The following FGF17 variants were observed in gnomAD, a reference collection of about 807,000 sequenced individuals.
FGF17 encodes fibroblast growth factor 17.
In FGF17, 5 loss-of-function variants were observed where a neutral mutation model predicts 23.5. The ratio of observed to expected loss-of-function variants is 0.21; its 90% confidence interval spans 0.11 to 0.45. FGF17 has a LOEUF of 0.45. FGF17 is among the 20% of genes least tolerant of loss of function. FGF17 has a pLI of 0.99. For synonymous variants in FGF17, 136 were observed against 123.0 expected (o/e 1.11, Z -0.70); for missense variants, 221 against 306.9 (o/e 0.72, Z 2.09).
Position 22,048,516 on chromosome 8 carries a change from C to T in FGF17, c.*267C>T. The T allele has an allele frequency of 2.0e-6, 1 of 493,840 alleles. No homozygotes were observed. Among genetic ancestry groups the T allele is most frequent in the South Asian group, 3.1e-5 (1 of 32,084 alleles). 30.6% of individuals were successfully genotyped at this position (493,840 alleles called of 1,614,324 possible). On this transcript the variant is annotated 3_prime_UTR_variant, in exon 5 of 5. Transcript: ENST00000359441. This position sits in a 1 kb window ranked among gnomAD's most constrained non-coding sequence, Gnocchi z 6.9. ...TCAGGCCACCAGCCTCTGCCGGCCT[C>T]CCAGCCGGGCTCCTGAAGCCCGCTG...
chr8:22,042,833 A>C lies in FGF17; in HGVS notation c.-96A>C. ...CCCTGAAAACCTGTGGCTCGGAGAG[A>C]CCTTGGCTTCTCTGGGACTCTACCC... is the stretch of plus-strand genomic sequence containing the variant. On this transcript the variant is annotated 5_prime_UTR_variant, in exon 1 of 5. Transcript: ENST00000359441. 1 of 1,315,466 alleles carries C rather than the reference A, an allele frequency of 7.6e-7. No individual in the cohort carries two copies. The highest frequency in any genetic ancestry group is 1.1e-6 in the Non-Finnish European group (1 of 928,988). The allele number at this position is 1,315,466 out of a possible 1,614,324, so 81.5% of individuals were successfully genotyped here. A position where few individuals can be genotyped will look rare whatever the true frequency, so the allele number is the denominator to read the frequency against.
At chr8:22,043,303 G>C in intron 2 of FGF17, 122 bp downstream of exon 2, 1 of 975,252 alleles carries the variant, frequency 1.0e-6, no homozygotes, top group Non-Finnish European at 1.6e-6. Flanking sequence ...CTGGGTCCAG[G>C]AGGCACTGAG....
chr8:22,044,471 A>AG (rs1800813971), intron 2 of FGF17: 3 of 87,294 alleles, frequency 3.4e-5, no homozygotes, highest in Non-Finnish European at 7.3e-5. Context: ...AAAAGCTTGA[A>AG]GGGGGACGAG....
chr8:22,045,476 G>C, intron 2 of FGF17: 1 of 990,312 alleles, frequency 1.0e-6, no homozygotes, highest in Non-Finnish European at 1.2e-6. Flanking sequence ...GAGCACCAGG[G>C]GGCAAGGCCG....
chr8:22,044,017 G>A (rs904694297), intron 2 of FGF17, among the ~76,000 whole-genome samples: 15 of 151,830 alleles, frequency 9.9e-5, no homozygotes, highest in African/African-American at 3.6e-4. Context: ...GTGGGAGAGG[G>A]AGAGACAATT....
At chr8:22,043,207 C>A (rs772732594) in intron 2 of FGF17, 26 bp downstream of exon 2, 52 of 1,611,424 alleles carry the variant, frequency 3.2e-5, no homozygotes, top group Non-Finnish European at 4.2e-5. Flanking sequence ...CACCGGCTTT[C>A]CCCCAATTTT....
chr8:22,046,579 G>T lies in FGF17; in HGVS notation c.303G>T (p.Gly101=), dbSNP rs990347940. 6 of 1,613,854 alleles carry T rather than the reference G, an allele frequency of 3.7e-6. No homozygotes were observed. In the African/African-American group the frequency reaches 8.0e-5, roughly 22 times the overall value. Residue 101 remains glycine (G), a synonymous_variant, in exon 4 of 5, where the codon GGG becomes GGT. Transcript: ENST00000359441. Reference sequence around the variant, plus strand: ...TTGGCAGCCGGGTTCGCATCAAAGGGGCTGAGAGTGAGAAGTACATCTGTA... The same window carrying T: ...TTGGCAGCCGGGTTCGCATCAAAGGTGCTGAGAGTGAGAAGTACATCTGTA... ...DTFGSRVRIK[G]AESEKYICMN... is the part of the protein sequence containing the mutation.
At position 22,046,507 on chromosome 8, in the gene FGF17, T is replaced by C; in HGVS notation, c.251-20T>C. On this transcript the variant is annotated intron_variant, in intron 3 of 4. Coordinates refer to ENST00000359441, the MANE Select transcript of FGF17 (RefSeq NM_003867.4). ...GGCAGCCCCGATGGACGGAGGTCTT[T>C]CTCCCCTCCCCCACCACAGCCAAGC... 6.3e-7 allele frequency: 1 copy of C among 1,594,466 alleles called. No homozygotes were observed. Among genetic ancestry groups the C allele is most frequent in the East Asian group, 2.2e-5 (1 of 44,758 alleles).
chr8:22,046,258 A>G lies in FGF17; in HGVS notation c.217A>G (p.Ile73Val). 2 of 1,613,752 alleles carry G rather than the reference A, an allele frequency of 1.2e-6. No individual in the cohort carries two copies. The highest frequency in any genetic ancestry group is 1.7e-6 in the Non-Finnish European group (2 of 1,179,966). The change falls in exon 3 of 5, where the codon ATC becomes GTC. Residue 73 changes from isoleucine (I) to valine (V), a missense_variant. By Grantham distance (29) the Ile-to-Val change is conservative. Transcript: ENST00000359441. ...GCACGTGCAGGTCACCGGGCGTCGC[A>G]TCTCCGCCACCGCCGAGGACGGCAA... ...GKHVQVTGRR[I>V]SATAEDGNKF... is the part of the protein sequence containing the mutation.
At chr8:22,040,931 G>A (rs1431007625), upstream of FGF17, among the ~76,000 whole-genome samples, 3 of 152,190 alleles carry the variant, frequency 2.0e-5, no homozygotes, top group African/African-American at 4.8e-5. Flanking sequence ...GGAAGAACGC[G>A]GAACAGAAGT....
In FGF17 at chr8:22,048,556, G is replaced by A. The variant is rs1174324426; in HGVS notation, c.*307G>A. 4.7e-6 allele frequency: 2 copies of A among 430,056 alleles called. No homozygotes were observed. Among genetic ancestry groups the A allele is most frequent in the South Asian group, 3.8e-5 (1 of 26,264 alleles). The allele number at this position is 430,056 out of a possible 1,614,324, so 26.6% of individuals were successfully genotyped here. Reference sequence around the variant, plus strand: ...GAAGCCCGCTGAAAGGTCAGCGACTGAAGGCCTTGCAGACAACCGTCTGGA... The same window carrying A: ...GAAGCCCGCTGAAAGGTCAGCGACTAAAGGCCTTGCAGACAACCGTCTGGA... On this transcript the variant is annotated 3_prime_UTR_variant, in exon 5 of 5. Coordinates refer to ENST00000359441, the MANE Select transcript of FGF17 (RefSeq NM_003867.4). This position sits in a 1 kb window ranked among gnomAD's most constrained non-coding sequence, Gnocchi z 6.9.
In FGF17 at chr8:22,047,951, C is replaced by T. The variant is rs777704706; in HGVS notation, c.358-5C>T. The T allele has an allele frequency of 2.5e-6, 4 of 1,596,266 alleles. No homozygotes were observed. Among genetic ancestry groups the T allele is most frequent in the Middle Eastern group, 1.7e-4 (1 of 6,022 alleles). ...ATGCCCTTCCTGTCCTTGCTTCTCC[C>T]GCAGCCCAGCGGGAAGAGCAAAGAC... On this transcript the variant is annotated splice_polypyrimidine_tract_variant and splice_region_variant and intron_variant, in intron 4 of 4. Transcript: ENST00000359441.
In FGF17 at chr8:22,046,582, T is replaced by C; in HGVS notation, c.306T>C (p.Ala102=). ...TFGSRVRIKG[A]ESEKYICMNK... ...GCAGCCGGGTTCGCATCAAAGGGGC[T>C]GAGAGTGAGAAGTACATCTGTATGA... Residue 102 remains alanine, a synonymous_variant, in exon 4 of 5, where the codon GCT becomes GCC. Transcript: ENST00000359441. 1 of 1,613,958 alleles carries C rather than the reference T, an allele frequency of 6.2e-7. No individual in the cohort carries two copies. Among genetic ancestry groups the C allele is most frequent in the African/African-American group, 1.3e-5 (1 of 75,034 alleles).
rs1563362825 is a variant in FGF17, at chr8:22,043,187, CG to C, written c.72+9del. 6.2e-7 allele frequency: 1 copy of C among 1,613,184 alleles called. No individual in the cohort carries two copies. Among genetic ancestry groups the C allele is most frequent in the South Asian group, 1.1e-5 (1 of 91,048 alleles). On this transcript the variant is annotated splice_region_variant and intron_variant, in intron 2 of 4. Coordinates refer to ENST00000359441, the MANE Select transcript of FGF17 (RefSeq NM_003867.4). ...TTCTCTGCTGTCAAACTCAGGTAGG[CG>C]GGCATTCCCACCGGCTTTCCCCCAA... is the stretch of plus-strand genomic sequence containing the variant.
chr8:22,044,256 T>C (rs1025121361), intron 2 of FGF17, among the ~76,000 whole-genome samples: 4 of 151,956 alleles, frequency 2.6e-5, no homozygotes, highest in Non-Finnish European at 4.4e-5. Flanking sequence ...CCTTTCCCCC[T>C]TGAAGTGCCC....
rs1016623494 is a variant in FGF17 at position 22,046,519 on chromosome 8, C to T, written c.251-8C>T. On this transcript the variant is annotated splice_region_variant and splice_polypyrimidine_tract_variant and intron_variant, in intron 3 of 4. Transcript: ENST00000359441. ...GGACGGAGGTCTTTCTCCCCTCCCC[C>T]ACCACAGCCAAGCTCATAGTGGAGA... The T allele has an allele frequency of 6.2e-7, 1 of 1,608,884 alleles. No individual in the cohort carries two copies. The highest frequency in any genetic ancestry group is 1.7e-5 in the Admixed American group (1 of 59,176).
At chr8:22,046,057 C>G in intron 2 of FGF17, 57 bp from the exon 3 acceptor site, 1 of 1,613,696 alleles carries the variant, frequency 6.2e-7, no homozygotes, top group African/African-American at 1.3e-5. Context: ...TTGGATGGAC[C>G]AGTGGTGGTG....
chr8:22,046,950 ATTTTT>A (rs3038873), intron 4 of FGF17, among the ~76,000 whole-genome samples: 2 of 120,572 alleles, frequency 1.7e-5, no homozygotes, highest in Admixed American at 8.9e-5. Context: ...TGCCCAGCTA[ATTTTT>A]TTTTTTTTTT....
chr8:22,043,041 C>G, intron 1 of FGF17, 78 bp downstream of exon 1: 1 of 1,601,010 alleles, frequency 6.2e-7, no homozygotes, highest in African/African-American at 1.3e-5. Context: ...CCGGGACTCC[C>G]ACGCGTGCGT....
Sources: allele counts gnomAD v4.1 joint callset (sites outside exome capture counted in the v4.1 genomes callset), GRCh38; gene constraint gnomAD v4.1.1; non-coding constraint Gnocchi (gnomAD v3.1); transcripts MANE v1.5; gene names NCBI Gene and HGNC (gene_info 2026-07-23, HGNC 2026-07-21).